The following TTC4 variants were observed in gnomAD, a reference collection of about 807,000 sequenced individuals.
The protein encoded by TTC4 is tetratricopeptide repeat domain 4, also known as hsp70/Hsp90 co-chaperone CNS1 homolog.
In TTC4, 36 loss-of-function variants were observed where a neutral mutation model predicts 51.9. That is an observed-to-expected ratio of 0.69 (90% confidence interval 0.53 to 0.92). TTC4 has a LOEUF of 0.92. Ranked by LOEUF, TTC4 falls within the 40% of genes least tolerant of loss-of-function variation. The pLI is 0.00. For missense variants in TTC4, 399 were observed against 454.6 expected (o/e 0.88, Z 1.11); for synonymous variants, 144 against 164.2 (o/e 0.88, Z 0.94).
intron 5 of TTC4, 43 bp downstream of exon 5, chr1:54,722,842 G>A (rs1350077882): frequency 6.4e-7 from 1 of 1,557,412 alleles, no homozygotes; most frequent in African/African-American, 1.4e-5. Context: ...CTAATTAGCA[G>A]TAATTAGCAT....
At chr1:54,740,062 C>A (rs1645993369) in intron 9 of TTC4, among the ~76,000 whole-genome samples, 1 of 152,140 alleles carries the variant, frequency 6.6e-6, no homozygotes, top group South Asian at 2.1e-4. Context: ...GTAGTCCTCG[C>A]TATTTGGGAG....
Position 54,741,509 on chromosome 1 carries a change from G to C in TTC4, c.1160G>C (p.Arg387Pro), listed in dbSNP as rs369466909. 6.2e-7 allele frequency: 1 copy of C among 1,613,760 alleles called. No homozygotes were observed. Among genetic ancestry groups the C allele is most frequent in the Non-Finnish European group, 8.5e-7 (1 of 1,179,772 alleles). The change falls in exon 10 of 10, where the codon CGA becomes CCA. Residue 387 changes from arginine (R) to proline (P), a missense_variant. This residue lies in a region of TTC4 where 64 missense variants were observed against 61.3 expected (regional missense o/e 1.04). Transcript: ENST00000371281. ...FLRGRKVYQIR is the reference protein window; with the variant it reads ...FLRGRKVYQIP ...CGGGGGAGAAAGGTGTACCAGATAC[G>C]ATGACTAAGCCAGGGCCCCTGGATC...
intron 6 of TTC4, among the ~76,000 whole-genome samples, chr1:54,730,001 G>A (rs11800870): frequency 0.12 from 18,093 of 152,206 alleles, 1,794 homozygotes; most frequent in African/African-American, 0.26. Flanking sequence ...GATTATAGGC[G>A]TGAGCCACGG....
In TTC4 at chr1:54,722,703, CT is replaced by C. The variant is rs754273240; in HGVS notation, c.501del (p.Phe167LeufsTer5). 3.1e-6 allele frequency: 5 copies of C among 1,613,710 alleles called. No individual in the cohort carries two copies. In the African/African-American group the frequency reaches 6.7e-5, roughly 22 times the overall value. On this transcript the variant is annotated frameshift_variant, in exon 5 of 10. Coordinates refer to ENST00000371281, the MANE Select transcript of TTC4 (RefSeq NM_004623.5). LOFTEE classifies it high-confidence loss of function. ...GALCHLELKH[F>X]AEAVNWCDEG... is the part of the protein sequence containing the mutation. ...CCTTATGCCATCTGGAACTGAAACA[CT>C]TTGCCGAGGCCGTGAACTGGTGTGA...
At position 54,741,346 on chromosome 1, in the gene TTC4, A is replaced by G. The variant is rs1384228222; in HGVS notation, c.1062-65A>G. ...GAGGCTCACCTTGCATGTTGTTAGG[A>G]AGGTGCATGGATGGTTAAGATTGTA... On this transcript the variant is annotated intron_variant, in intron 9 of 9. Transcript: ENST00000371281. 2.3e-6 allele frequency: 3 copies of G among 1,323,176 alleles called. No individual in the cohort carries two copies. In the East Asian group the frequency reaches 6.9e-5, roughly 30 times the overall value. The allele number at this position is 1,323,176 out of a possible 1,614,324, so 82.0% of individuals were successfully genotyped here. A position where few individuals can be genotyped will look rare whatever the true frequency, so the allele number is the denominator to read the frequency against.
intron 7 of TTC4, 141 bp downstream of exon 7, chr1:54,731,841 C>G: frequency 1.3e-6 from 1 of 769,192 alleles, no homozygotes. Flanking sequence ...ATAATAACCT[C>G]TCTATCCTGT....
chr1:54,719,315 C>G (rs1645715533), intron 3 of TTC4, among the ~76,000 whole-genome samples: 1 of 152,182 alleles, frequency 6.6e-6, no homozygotes, highest in South Asian at 2.1e-4. Context: ...TTTGTAGTTT[C>G]TGCAGTGCAG....
At chr1:54,736,175 GGAGAGAGAGAGA>G (rs11292044) in intron 8 of TTC4, among the ~76,000 whole-genome samples, 9,742 of 100,646 alleles carry the variant, frequency 0.097, 640 homozygotes, top group Admixed American at 0.17. Context: ...AAGAAAGAAA[GGAGAGAGAGAGA>G]GAGAGAGAGA....
rs1336294071 is a variant in TTC4, at chr1:54,741,709, T to C, written c.*196T>C. The C allele has an allele frequency of 1.7e-5, 10 of 596,084 alleles. No individual in the cohort carries two copies. Among genetic ancestry groups the C allele is most frequent in the South Asian group, 4.1e-5 (2 of 48,612 alleles). The allele number at this position is 596,084 out of a possible 1,614,324, so 36.9% of individuals were successfully genotyped here. A position where few individuals can be genotyped will look rare whatever the true frequency, so the allele number is the denominator to read the frequency against. ...CCTCTCTGGCTGGTCTTCACTTTCC[T>C]CAGTTGATATAAAACTCTGGGTCTT... On this transcript the variant is annotated 3_prime_UTR_variant, in exon 10 of 10. Transcript: ENST00000371281.
At chr1:54,720,238 A>G (rs1570034103) in intron 3 of TTC4, among the ~76,000 whole-genome samples, 1 of 152,158 alleles carries the variant, frequency 6.6e-6, no homozygotes, top group African/African-American at 2.4e-5. Flanking sequence ...TAAAATGAAG[A>G]AGAATGTGCA....
At position 54,717,650 on chromosome 1, in the gene TTC4, C is replaced by G; in HGVS notation, c.388C>G (p.Leu130Val). ...CAACCGGGCAGCAGCACAGTACTAT[C>G]TGGGTAATTTATAAGTGCTTTCTGA... ...YTNRAAAQYYLGNFRSALNDV... is the reference protein window; with the variant it reads ...YTNRAAAQYYVGNFRSALNDV... Residue 130 changes from leucine to valine, a missense_variant, in exon 3 of 10, where the codon CTG (leucine) becomes GTG (valine). By Grantham distance (32) the Leu-to-Val change is conservative (BLOSUM62 1). This residue lies in a region of TTC4 where 316 missense variants were observed against 349.6 expected (regional missense o/e 0.90). Coordinates refer to ENST00000371281, the MANE Select transcript of TTC4 (RefSeq NM_004623.5). The G allele has an allele frequency of 6.4e-7, 1 of 1,553,662 alleles. No individual in the cohort carries two copies. Among genetic ancestry groups the G allele is most frequent in the Non-Finnish European group, 8.7e-7 (1 of 1,153,942 alleles).
chr1:54,740,217 G>A (rs1170583352), intron 9 of TTC4, among the ~76,000 whole-genome samples: 3 of 152,202 alleles, frequency 2.0e-5, no homozygotes, highest in African/African-American at 7.2e-5. Flanking sequence ...GATTTGAAGT[G>A]TACTGTTCAG....
intron 3 of TTC4, chr1:54,717,900 T>G: frequency 3.0e-6 from 1 of 329,650 alleles, no homozygotes; most frequent in Non-Finnish European, 5.4e-6. Context: ...GTTTGATGTA[T>G]GAGGCAGTAT....
intron 1 of TTC4, 160 bp downstream of exon 1, chr1:54,716,179 C>G: frequency 1.5e-6 from 1 of 646,444 alleles, no homozygotes; most frequent in Non-Finnish European, 2.7e-6. Flanking sequence ...GGTTTTGAGT[C>G]GCTTCTTAAG....
At chr1:54,731,757 G>T in intron 7 of TTC4, 57 bp downstream of exon 7, 1 of 1,546,432 alleles carries the variant, frequency 6.5e-7, no homozygotes, top group South Asian at 1.2e-5. Flanking sequence ...CTGTTTTTGT[G>T]GCAGGAGGGA....
rs1282260294 is a variant in TTC4, at chr1:54,715,869, C to T, written c.-40C>T. 3.9e-6 allele frequency: 6 copies of T among 1,524,936 alleles called. No homozygotes were observed. The African/African-American group carries it at 8.3e-5, about 21-fold the overall frequency. 94.5% of individuals were successfully genotyped at this position (1,524,936 alleles called of 1,614,324 possible). A position where few individuals can be genotyped will look rare whatever the true frequency, so the allele number is the denominator to read the frequency against. Reference sequence around the variant, plus strand: ...CGCCGCCGGAAGGAGCCGCTCGCTTCACGGCGCTGGGACCCGGGCTGGAAG... The same window carrying T: ...CGCCGCCGGAAGGAGCCGCTCGCTTTACGGCGCTGGGACCCGGGCTGGAAG... On this transcript the variant is annotated 5_prime_UTR_variant, in exon 1 of 10. Transcript: ENST00000371281.
chr1:54,733,156 C>A, intron 7 of TTC4, among the ~76,000 whole-genome samples: 1 of 147,628 alleles, frequency 6.8e-6, no homozygotes, highest in African/African-American at 2.6e-5. Context: ...GGGCTCACAC[C>A]TGTAATCCCA....
intron 7 of TTC4, among the ~76,000 whole-genome samples, 198 bp from the exon 8 acceptor site, chr1:54,733,428 AAAT>A (rs1301731771): frequency 1.4e-5 from 2 of 144,148 alleles, no homozygotes; most frequent in Non-Finnish European, 3.0e-5. Flanking sequence ...CAAAAAAAAA[AAAT>A]AAAATAAAAT....
Position 54,733,650 on chromosome 1 carries a change from G to A in TTC4, c.918G>A (p.Val306=), listed in dbSNP as rs755109702. The change falls in exon 8 of 10, where the codon GTG becomes GTA. Residue 306 remains valine, a synonymous_variant. Coordinates refer to ENST00000371281, the MANE Select transcript of TTC4 (RefSeq NM_004623.5). ...TTAGGTTTATTGATCATCTAATGGT[G>A]ATGTTTGGTGAAACACCCTCTTGGG... ...EDSRFIDHLM[V]MFGETPSWDL... 6.2e-7 allele frequency: 1 copy of A among 1,603,026 alleles called. No individual in the cohort carries two copies. Among genetic ancestry groups the A allele is most frequent in the Admixed American group, 1.7e-5 (1 of 58,770 alleles).
Sources: gnomAD v4.1 joint callset for allele counts (sites outside exome capture counted in the v4.1 genomes callset) on GRCh38, gnomAD v4.1.1 for gene constraint, gnomAD v4.1.1 regional missense constraint, MANE v1.5 for transcripts, NCBI Gene and HGNC (gene_info 2026-07-23, HGNC 2026-07-21) for gene names.